Variants in MYOM2 observed in about 807,000 individuals in gnomAD.
MYOM2 encodes the protein myomesin-2.
A neutral mutation model predicts 187.6 loss-of-function variants in MYOM2; 254 were observed. The observed-to-expected ratio is 1.35, with a 90% confidence interval of 1.22 to 1.50. The LOEUF is 1.50. Among genes scored for constraint, MYOM2 ranks in the 40% most tolerant of loss-of-function variants. MYOM2 has a pLI of 0.00. For synonymous variants in MYOM2, 981 were observed against 753.8 expected (o/e 1.30, Z -4.94); for missense variants, 2,796 against 1,924.0 (o/e 1.45, Z -8.48).
At chr8:2,131,460 G>A (rs150630141) in intron 32 of MYOM2, among the ~76,000 whole-genome samples, 74 of 151,874 alleles carry the variant, frequency 4.9e-4, no homozygotes, top group African/African-American at 1.8e-3. Context: ...AGATAGGCAG[G>A]CAGATCGGGG....
At chr8:2,088,990 C>T (rs555104686) in intron 14 of MYOM2, among the ~76,000 whole-genome samples, 23 of 152,148 alleles carry the variant, frequency 1.5e-4, no homozygotes, top group Admixed American at 1.0e-3. Context: ...AGGCCCATGA[C>T]GCCCTGGGGG....
intron 3 of MYOM2, 21 bp from the exon 4 acceptor site, chr8:2,057,327 G>C (rs1330145007): frequency 1.0e-5 from 16 of 1,586,544 alleles, no homozygotes; most frequent in Non-Finnish European, 1.4e-5. Flanking sequence ...TGCAACTGAG[G>C]CTGCTTCTCG....
chr8:2,118,082 G>T (rs896039149), intron 28 of MYOM2, 130 bp downstream of exon 28: 3 of 707,440 alleles, frequency 4.2e-6, no homozygotes, highest in Non-Finnish European at 7.0e-6. Flanking sequence ...GTGTAGCTGC[G>T]GATGGGCGGA....
chr8:2,077,177 G>A (rs890996344), intron 11 of MYOM2, among the ~76,000 whole-genome samples: 1 of 152,068 alleles, frequency 6.6e-6, no homozygotes, highest in South Asian at 2.1e-4. Flanking sequence ...GGGTGTGCTG[G>A]CATGTGCTTA....
chr8:2,055,773 C>T (rs187054917), intron 3 of MYOM2, among the ~76,000 whole-genome samples: 57 of 152,272 alleles, frequency 3.7e-4, no homozygotes, highest in African/African-American at 1.3e-3. Context: ...CCCTGGGTCT[C>T]GGACAGGCCT....
At chr8:2,054,617 T>C (rs188851162) in intron 3 of MYOM2, among the ~76,000 whole-genome samples, 2 of 152,346 alleles carry the variant, frequency 1.3e-5, no homozygotes, top group East Asian at 1.9e-4. Context: ...TAGAGGATAG[T>C]GGTGCTATTG....
In MYOM2 at chr8:2,116,272, C is replaced by A; in HGVS notation, c.3382C>A (p.Gln1128Lys). 6.2e-7 allele frequency: 1 copy of A among 1,612,780 alleles called. No homozygotes were observed. The highest frequency in any genetic ancestry group is 1.1e-5 in the South Asian group (1 of 90,740). ...TCAAAGGAAAGAATTTCTCAGGAAA[C>A]AAGGTGAGTTTCCTCACTCTGACCG... ...EFQRKEFLRKQGPHFAEYLHW... is the reference protein window; with the variant it reads ...EFQRKEFLRKKGPHFAEYLHW... Residue 1128 changes from glutamine to lysine, a missense_variant, in exon 27 of 37, where the codon CAA becomes AAA. Transcript: ENST00000262113.
intron 13 of MYOM2, among the ~76,000 whole-genome samples, chr8:2,081,322 T>G (rs1405863524): frequency 7.3e-6 from 1 of 137,212 alleles, no homozygotes; most frequent in Non-Finnish European, 1.5e-5. Context: ...AGAATGAGGT[T>G]TGATTCTGGC....
At chr8:2,129,869 G>A (rs1797791783) in intron 32 of MYOM2, among the ~76,000 whole-genome samples, 1 of 152,046 alleles carries the variant, frequency 6.6e-6, no homozygotes, top group East Asian at 1.9e-4. Flanking sequence ...TGGCTGAATC[G>A]AGGAGTCCCC....
At chr8:2,120,976 T>C (rs1368620414) in intron 28 of MYOM2, among the ~76,000 whole-genome samples, 1 of 151,772 alleles carries the variant, frequency 6.6e-6, no homozygotes, top group Non-Finnish European at 1.5e-5. Flanking sequence ...AAAACATTTA[T>C]AAAAGAAGAG....
chr8:2,137,727 G>A (rs139858301), intron 32 of MYOM2, among the ~76,000 whole-genome samples: 1 of 152,046 alleles, frequency 6.6e-6, no homozygotes, highest in African/African-American at 2.4e-5. Flanking sequence ...CCTTGGATGG[G>A]GTACATTTAG....
intron 23 of MYOM2, among the ~76,000 whole-genome samples, chr8:2,108,319 T>G (rs1796959862): frequency 6.6e-6 from 1 of 151,740 alleles, no homozygotes; most frequent in Non-Finnish European, 1.5e-5. Context: ...GGTAATACAC[T>G]ATAGTGATGA....
At chr8:2,100,766 T>A (rs1044162571) in intron 19 of MYOM2, 110 bp from the exon 20 acceptor site, 12 of 1,015,588 alleles carry the variant, frequency 1.2e-5, no homozygotes, top group Non-Finnish European at 1.8e-5. Context: ...ATACGGATGG[T>A]CCTGGTGGGG....
At chr8:2,058,423 C>G (rs1315097691) in intron 5 of MYOM2, among the ~76,000 whole-genome samples, 1 of 152,140 alleles carries the variant, frequency 6.6e-6, no homozygotes, top group Non-Finnish European at 1.5e-5. Context: ...GGAAAGTCTG[C>G]TTTTCAATAT....
At chr8:2,072,852 A>T (rs536923431) in intron 9 of MYOM2, among the ~76,000 whole-genome samples, 53 of 152,352 alleles carry the variant, frequency 3.5e-4, no homozygotes, top group African/African-American at 1.3e-3. Flanking sequence ...TCTAGACAGA[A>T]ATGCTACCTT....
intron 27 of MYOM2, 32 bp from the exon 28 acceptor site, chr8:2,117,853 T>C (rs1240346769): frequency 1.3e-6 from 2 of 1,563,416 alleles, no homozygotes; most frequent in Admixed American, 3.6e-5. Context: ...TTTTCCTTTT[T>C]TATATGTTTT....
At position 2,144,761 on chromosome 8, in the gene MYOM2, T is replaced by G. The variant is rs764585393; in HGVS notation, c.4178T>G (p.Val1393Gly). ...ATCCAGCTCAGCGAGCACTTCTCGG[T>G]GAAGGTGGAGCAGGCCAAGTACGTC... ...QDIQLSEHFS[V>G]KVEQAKYVSM... Residue 1393 changes from valine (V) to glycine (G), a missense_variant, in exon 37 of 37, where the codon GTG (valine) becomes GGG (glycine). By Grantham distance (109) the Val-to-Gly change is moderately radical (BLOSUM62 -3). Coordinates refer to ENST00000262113, the MANE Select transcript of MYOM2 (RefSeq NM_003970.4). 1 of 1,614,126 alleles carries G rather than the reference T, an allele frequency of 6.2e-7. No individual in the cohort carries two copies. The highest frequency in any genetic ancestry group is 1.1e-5 in the South Asian group (1 of 91,068).
chr8:2,057,185 G>A (rs1254767071), intron 3 of MYOM2, among the ~76,000 whole-genome samples, 163 bp from the exon 4 acceptor site: 2 of 152,198 alleles, frequency 1.3e-5, no homozygotes, highest in African/African-American at 4.8e-5. Context: ...ATATACTCTT[G>A]AAGATAGATT....
At chr8:2,139,637 C>T (rs1380907177) in intron 32 of MYOM2, among the ~76,000 whole-genome samples, 1 of 152,208 alleles carries the variant, frequency 6.6e-6, no homozygotes, top group Non-Finnish European at 1.5e-5. Flanking sequence ...CAGCCTGCTT[C>T]CCCAAGCTGC....
Sources: allele counts gnomAD v4.1 joint callset (sites outside exome capture counted in the v4.1 genomes callset), GRCh38; gene constraint gnomAD v4.1.1; transcripts MANE v1.5; gene names NCBI Gene and HGNC (gene_info 2026-07-23, HGNC 2026-07-21).